Variants in CAPS2 observed in about 807,000 individuals in gnomAD.
CAPS2 encodes calcyphosin-2.
In CAPS2, 98 loss-of-function variants were observed where a neutral mutation model predicts 86.5. The observed-to-expected ratio is 1.13, with a 90% CI of 0.96 to 1.34. The LOEUF (loss-of-function observed/expected upper bound fraction) is 1.34, where lower values mean the gene tolerates loss of function less well. CAPS2 is among the 40% of genes most tolerant of loss of function. The probability of loss-of-function intolerance (pLI) is 0.00; values close to 1 mark genes in which losing one functional copy is unlikely to be tolerated. For missense variants in CAPS2, 729 were observed against 686.8 expected (o/e 1.06, Z -0.69); for synonymous variants, 210 against 225.1 (o/e 0.93, Z 0.60).
At chr12:75,279,845 A>G (rs2033592784) in intron 16 of CAPS2, among the ~76,000 whole-genome samples, 1 of 152,096 alleles carries the variant, frequency 6.6e-6, no homozygotes, top group African/African-American at 2.4e-5. Context: ...TCCAAACTAT[A>G]TGAAAACATA....
chr12:75,381,664 G>C (rs1363191490), intron 1 of CAPS2, among the ~76,000 whole-genome samples: 2 of 144,684 alleles, frequency 1.4e-5, no homozygotes, highest in Non-Finnish European at 3.0e-5. Context: ...CACCAGGCTG[G>C]AGTGCAGTGG....
intron 4 of CAPS2, among the ~76,000 whole-genome samples, chr12:75,322,738 T>A (rs569414304): frequency 1.4e-4 from 21 of 152,294 alleles, no homozygotes; most frequent in Middle Eastern, 3.4e-3. Flanking sequence ...TTGCCATATT[T>A]TTAAAATTCC....
intron 11 of CAPS2, chr12:75,298,333 G>A (rs1410719842): frequency 2.0e-5 from 4 of 199,356 alleles, no homozygotes; most frequent in African/African-American, 6.9e-5. Context: ...GTCCATCCTC[G>A]GAGGATAAAC....
intron 11 of CAPS2, among the ~76,000 whole-genome samples, chr12:75,297,268 G>A (rs183717381): frequency 6.6e-6 from 1 of 152,322 alleles, no homozygotes; most frequent in Admixed American, 6.5e-5. Context: ...TCTGCAGGTT[G>A]TGAAATGGGA....
chr12:75,380,074 A>G (rs1056629518), intron 1 of CAPS2, among the ~76,000 whole-genome samples: 4 of 152,122 alleles, frequency 2.6e-5, no homozygotes, highest in Non-Finnish European at 5.9e-5. Context: ...TACAAAATAC[A>G]TAACAATTGA....
chr12:75,373,411 C>CT (rs1201810169), intron 1 of CAPS2: 1 of 152,250 alleles, frequency 6.6e-6, no homozygotes, highest in Non-Finnish European at 1.5e-5. Context: ...CCACATACCT[C>CT]TTCTCCAAAT....
At chr12:75,295,532 G>T (rs755901283) in intron 11 of CAPS2, among the ~76,000 whole-genome samples, 1 of 152,166 alleles carries the variant, frequency 6.6e-6, no homozygotes, top group Non-Finnish European at 1.5e-5. Context: ...TATGGCTTCA[G>T]GAATAAGAGT....
At chr12:75,322,723 A>C (rs2040417406) in intron 4 of CAPS2, among the ~76,000 whole-genome samples, 1 of 152,214 alleles carries the variant, frequency 6.6e-6, no homozygotes, top group Admixed American at 6.6e-5. Context: ...ATCTGATCTA[A>C]GAGCTTGCCA....
chr12:75,281,588 T>A (rs1027231123), intron 16 of CAPS2, among the ~76,000 whole-genome samples: 1 of 151,940 alleles, frequency 6.6e-6, no homozygotes, highest in Non-Finnish European at 1.5e-5. Flanking sequence ...CACATAGCCA[T>A]GAAAATTCAT....
At chr12:75,316,332 T>A in exon 6 of CAPS2, 3 of 1,550,990 alleles carry the variant, frequency 1.9e-6, no homozygotes, top group Non-Finnish European at 2.6e-6. Flanking sequence ...TTTCTTGCCC[T>A]CTGTTGTTTA....
At position 75,316,356 on chromosome 12, in the gene CAPS2, CT is replaced by C; in HGVS notation, c.546del (p.Asp183ThrfsTer31). 2 of 1,551,070 alleles carry C rather than the reference CT, an allele frequency of 1.3e-6. No homozygotes were observed. Among genetic ancestry groups the C allele is most frequent in the Non-Finnish European group, 1.7e-6 (2 of 1,146,534 alleles). Reference sequence around the variant, plus strand: ...CTCTGTTGTTTATCGCAAGAGTTGTCTGCATAACCTTGCTGTAAGATGGCTT... The same window carrying C: ...CTCTGTTGTTTATCGCAAGAGTTGTCGCATAACCTTGCTGTAAGATGGCTT... On this transcript the variant is annotated frameshift_variant, in exon 6 of 17. Coordinates refer to ENST00000393284, the Ensembl canonical transcript of CAPS2. LOFTEE classifies it high-confidence loss of function.
At chr12:75,330,333 G>A (rs533982129), upstream of CAPS2, among the ~76,000 whole-genome samples, 3 of 152,334 alleles carry the variant, frequency 2.0e-5, no homozygotes, top group Non-Finnish European at 4.4e-5. Flanking sequence ...GCTCCGCGGC[G>A]CCCCTAAACC....
chr12:75,281,767 G>C (rs1271881199), intron 16 of CAPS2, among the ~76,000 whole-genome samples: 1 of 151,960 alleles, frequency 6.6e-6, no homozygotes, highest in African/African-American at 2.4e-5. Context: ...AAAAAATATA[G>C]TAGGATATAA....
chr12:75,307,121 C>T (rs1023093749), intron 7 of CAPS2, among the ~76,000 whole-genome samples: 3 of 152,120 alleles, frequency 2.0e-5, no homozygotes, highest in African/African-American at 7.2e-5. Context: ...TCCTTGCCTG[C>T]CGCGATAATT....
chr12:75,303,055 A>G (rs1214371185), intron 8 of CAPS2, among the ~76,000 whole-genome samples: 2 of 152,216 alleles, frequency 1.3e-5, no homozygotes, highest in Admixed American at 1.3e-4. Flanking sequence ...ACATATGTTT[A>G]CCAAAAGGCA....
intron 1 of CAPS2, among the ~76,000 whole-genome samples, chr12:75,346,635 C>T (rs1231869317): frequency 3.9e-5 from 6 of 152,078 alleles, no homozygotes; most frequent in East Asian, 1.9e-4. Flanking sequence ...GCAATCTGCC[C>T]GCCTCAGCCT....
chr12:75,363,192 T>C (rs1386683679), intron 1 of CAPS2: 5 of 1,334,616 alleles, frequency 3.7e-6, no homozygotes, highest in Non-Finnish European at 5.0e-6. Context: ...ACCTCTGCAG[T>C]AAGCAAAAAT....
At chr12:75,276,626 A>C (rs1351196873), downstream of CAPS2, 1 of 866,422 alleles carries the variant, frequency 1.2e-6, no homozygotes, top group Non-Finnish European at 1.4e-6. Flanking sequence ...ATTCCTATAT[A>C]ATATACCTTG....
chr12:75,304,737 T>G lies in CAPS2; in HGVS notation c.779+20A>C, dbSNP rs770936624. On this transcript the variant is annotated intron_variant, in intron 8 of 16. Transcript: ENST00000393284. ...TAGAACATAGTGCATCCTCATTTTA[T>G]GTAATTAAAATCTTCTTACTTTGTT... 3.3e-6 allele frequency: 5 copies of G among 1,534,434 alleles called. No homozygotes were observed. The South Asian group carries it at 5.9e-5, about 18-fold the overall frequency.
Sources: allele counts gnomAD v4.1 joint callset (sites outside exome capture counted in the v4.1 genomes callset), GRCh38; gene constraint gnomAD v4.1.1; transcripts MANE v1.5; gene names NCBI Gene and HGNC (gene_info 2026-07-23, HGNC 2026-07-21).